The following FAM171A1 variants were observed in gnomAD, a reference collection of about 807,000 sequenced individuals.
The protein encoded by FAM171A1 is protein FAM171A1.
A neutral mutation model predicts 74.9 loss-of-function variants in FAM171A1; 23 were observed. The observed-to-expected ratio is 0.31, with a 90% CI of 0.22 to 0.44. The LOEUF (loss-of-function observed/expected upper bound fraction) is 0.44. Ranked by LOEUF, FAM171A1 falls within the 20% of genes least tolerant of loss-of-function variation. FAM171A1 has a pLI of 1.00. For synonymous variants in FAM171A1, 527 were observed against 505.7 expected (o/e 1.04, Z -0.57); for missense variants, 1,162 against 1,159.2 (o/e 1.00, Z -0.03).
chr10:15,350,404 C>G (rs557605738), intron 1 of FAM171A1, among the ~76,000 whole-genome samples: 92 of 152,168 alleles, frequency 6.0e-4, no homozygotes, highest in African/African-American at 2.1e-3. Flanking sequence ...GTGGCGTGAT[C>G]TCGGCTCACT....
intron 1 of FAM171A1, among the ~76,000 whole-genome samples, chr10:15,356,148 A>G (rs549154961): frequency 3.3e-5 from 5 of 151,992 alleles, no homozygotes; most frequent in Non-Finnish European, 5.9e-5. Flanking sequence ...AAGTCAAGCC[A>G]TTTATAGCTG....
At chr10:15,258,302 C>T (rs1435022801) in intron 3 of FAM171A1, among the ~76,000 whole-genome samples, 1 of 147,738 alleles carries the variant, frequency 6.8e-6, no homozygotes, top group Non-Finnish European at 1.5e-5. Flanking sequence ...CTCAGGTGAT[C>T]CGCCTGCCTC....
chr10:15,255,937 C>T (rs1008170243), intron 3 of FAM171A1, among the ~76,000 whole-genome samples: 5 of 152,140 alleles, frequency 3.3e-5, no homozygotes, highest in African/African-American at 7.2e-5. Context: ...TGTGAGCCAC[C>T]GCGCCTGGCC....
intron 5 of FAM171A1, among the ~76,000 whole-genome samples, chr10:15,245,737 AC>A (rs113756123): frequency 0.079 from 12,050 of 152,250 alleles, 522 homozygotes; most frequent in African/African-American, 0.12. Flanking sequence ...CAGTGCATTG[AC>A]CTGGGTGCGC....
intron 1 of FAM171A1, among the ~76,000 whole-genome samples, chr10:15,349,543 G>C (rs985831804): frequency 6.6e-6 from 1 of 152,132 alleles, no homozygotes; most frequent in African/African-American, 2.4e-5. Flanking sequence ...CACTGAGATG[G>C]CTCCTCCAGG....
upstream of FAM171A1, among the ~76,000 whole-genome samples, chr10:15,372,698 C>CAAA (rs59712649): frequency 6.4e-3 from 560 of 87,962 alleles, 12 homozygotes; most frequent in East Asian, 0.019. Context: ...GACCCCGTCT[C>CAAA]AAAAAAAAAA....
intron 1 of FAM171A1, among the ~76,000 whole-genome samples, chr10:15,363,393 G>T (rs1836019710): frequency 6.6e-6 from 1 of 152,122 alleles, no homozygotes; most frequent in South Asian, 2.1e-4. Context: ...GACCCAAGAG[G>T]GCTAAGGTAG....
At chr10:15,273,956 T>A (rs147609132) in intron 3 of FAM171A1, among the ~76,000 whole-genome samples, 2,075 of 152,220 alleles carry the variant, frequency 0.014, 17 homozygotes, top group Non-Finnish European at 0.018. Flanking sequence ...CTGGAAGCAC[T>A]CCCTTTGAAA....
At chr10:15,227,082 C>G (rs1588498333) in intron 5 of FAM171A1, among the ~76,000 whole-genome samples, 1 of 152,190 alleles carries the variant, frequency 6.6e-6, no homozygotes, top group Non-Finnish European at 1.5e-5. Context: ...TCACTGCAAC[C>G]TCTGCCTCCT....
At position 15,213,000 on chromosome 10, in the gene FAM171A1, T is replaced by C. The variant is rs369304184; in HGVS notation, c.2588A>G (p.Asp863Gly). ...GTCTTCTCCTTGGTCATCATCATCA[T>C]CGTCTTCCTCTTCCTCGTGGGCAGA... ...RRSAHEEEED[D>G]DDDDQGEDKK... is the part of the protein sequence containing the mutation. Residue 863 changes from aspartate to glycine, a missense_variant, in exon 8 of 8, where the codon GAT (aspartate) becomes GGT (glycine). Transcript: ENST00000378116. 3 of 1,614,096 alleles carry C rather than the reference T, an allele frequency of 1.9e-6. No individual in the cohort carries two copies. Among genetic ancestry groups the C allele is most frequent in the Non-Finnish European group, 1.7e-6 (2 of 1,180,030 alleles).
At chr10:15,233,551 T>C (rs1424369553) in intron 5 of FAM171A1, among the ~76,000 whole-genome samples, 3 of 151,000 alleles carry the variant, frequency 2.0e-5, no homozygotes, top group Non-Finnish European at 4.4e-5. Flanking sequence ...TGTGTGTGTG[T>C]GTGTGCATGT....
In FAM171A1 at chr10:15,213,564, T is replaced by C. The variant is rs991563543; in HGVS notation, c.2024A>G (p.Asp675Gly). The change falls in exon 8 of 8, where the codon GAC becomes GGC. Residue 675 changes from aspartate (D) to glycine (G), a missense_variant. Coordinates refer to ENST00000378116, the MANE Select transcript of FAM171A1 (RefSeq NM_001010924.2). The surrounding 1 kb of genome is among the most constrained non-coding windows in gnomAD (Gnocchi z 6.8). ...ESLSIPASLN[D>G]AALAQMNSEV... ...ACTGTTCATCTGAGCCAAAGCCGCG[T>C]CGTTCAGGGAAGCTGGGATGGAGAG... 25 of 1,614,128 alleles carry C rather than the reference T, an allele frequency of 1.5e-5. No homozygotes were observed. Among genetic ancestry groups the C allele is most frequent in the Non-Finnish European group, 2.0e-5 (24 of 1,180,026 alleles).
At position 15,348,833 on chromosome 10, in the gene FAM171A1, G is replaced by C. The variant is rs568419584; in HGVS notation, c.97+22123C>G. Among the ~76,000 whole-genome samples the C allele has an allele frequency of 3.9e-5, 6 of 152,292 alleles. No homozygotes were observed. The East Asian group carries it at 1.2e-3, about 29-fold the overall frequency. ...CATTCCAAAAAGCCATCGGGAGAAC[G>C]GGCAGCAGCTGCAGGAAGTGACTTT... On this transcript the variant is annotated intron_variant, in intron 1 of 7. Coordinates refer to ENST00000378116, the MANE Select transcript of FAM171A1 (RefSeq NM_001010924.2).
In FAM171A1 at chr10:15,213,871, C is replaced by A; in HGVS notation, c.1717G>T (p.Val573Phe). 4.3e-6 allele frequency: 7 copies of A among 1,614,116 alleles called. No individual in the cohort carries two copies. The highest frequency in any genetic ancestry group is 5.9e-6 in the Non-Finnish European group (7 of 1,180,030). ...AAGGCAGGCAGTACTTTCCTGTAAA[C>A]GCTGTCATTGACCTGGTCGACAGAA... Reference protein sequence around the residue: ...CSSVDQVNDSVYRKVLPALVI... With the variant: ...CSSVDQVNDSFYRKVLPALVI... Residue 573 changes from valine to phenylalanine, a missense_variant, in exon 8 of 8, where the codon GTT becomes TTT. Val to Phe is a conservative substitution (Grantham distance 50, BLOSUM62 -1). Transcript: ENST00000378116. This position sits in a 1 kb window ranked among gnomAD's most constrained non-coding sequence, Gnocchi z 6.8.
At chr10:15,256,654 G>C (rs1298155495) in intron 3 of FAM171A1, among the ~76,000 whole-genome samples, 1 of 152,134 alleles carries the variant, frequency 6.6e-6, no homozygotes. Flanking sequence ...GGGGATCTGG[G>C]TATTTTAACA....
intron 1 of FAM171A1, among the ~76,000 whole-genome samples, chr10:15,368,475 G>C (rs1836093061): frequency 6.6e-6 from 1 of 152,324 alleles, no homozygotes; most frequent in African/African-American, 2.4e-5. Flanking sequence ...TAATATGTAT[G>C]TGCAATGCTT....
In FAM171A1 at chr10:15,248,745, C is replaced by T. The variant is rs768461259; in HGVS notation, c.648G>A (p.Thr216=). The T allele has an allele frequency of 2.4e-5, 39 of 1,613,714 alleles. No homozygotes were observed. The South Asian group carries it at 3.2e-4, about 13-fold the overall frequency. ...VSVHLLSSNG[T]PVLVDGPIYV... is the part of the protein sequence containing the mutation. The stretch of plus-strand genomic sequence containing the variant: ...AGATGGGACCATCCACCAGCACCGG[C>T]GTTCCATTACTGCTCAGCAAGTGGA... The change falls in exon 5 of 8, where the codon ACG becomes ACA. Residue 216 remains threonine (T), a synonymous_variant. Transcript: ENST00000378116.
upstream of FAM171A1, among the ~76,000 whole-genome samples, chr10:15,371,307 CCCG>C (rs1254590105): frequency 6.9e-6 from 1 of 144,106 alleles, no homozygotes. Context: ...TCCTGCCTCG[CCCG>C]CCGCCGCCGC....
At chr10:15,358,740 T>C (rs1835960679) in intron 1 of FAM171A1, among the ~76,000 whole-genome samples, 1 of 152,228 alleles carries the variant, frequency 6.6e-6, no homozygotes, top group Non-Finnish European at 1.5e-5. Context: ...CTTTTCATGG[T>C]TCAAGGGCAA....
Sources: gnomAD v4.1 joint callset for allele counts (sites outside exome capture counted in the v4.1 genomes callset) on GRCh38, gnomAD v4.1.1 for gene constraint, Gnocchi (gnomAD v3.1) non-coding constraint, MANE v1.5 for transcripts, NCBI Gene and HGNC (gene_info 2026-07-23, HGNC 2026-07-21) for gene names.